The following CHST8 variants were observed in gnomAD, a reference collection of about 807,000 sequenced individuals.
CHST8 encodes the protein GALNAC-4-ST1.
Under a neutral mutation model 15.0 loss-of-function variants are expected in CHST8, and 10 were observed. The observed-to-expected ratio is 0.67, with a 90% CI of 0.41 to 1.13. CHST8 has a LOEUF of 1.13. Ranked by LOEUF, CHST8 falls within the 50% of genes most tolerant of loss-of-function variation. CHST8 has a pLI of 0.00. For synonymous variants in CHST8, 259 were observed against 256.6 expected, an observed-to-expected ratio of 1.01 and a Z score of -0.09; for missense variants, 634 against 608.2, an observed-to-expected ratio of 1.04 and a Z score of -0.45.
intron 1 of CHST8, among the ~76,000 whole-genome samples, chr19:33,640,078 G>A (rs1283808608): frequency 1.3e-5 from 2 of 152,020 alleles, no homozygotes; most frequent in Non-Finnish European, 2.9e-5. Flanking sequence ...TCCTGACCTC[G>A]TGATCCGCCC....
chr19:33,687,621 G>A (rs1452923921), intron 2 of CHST8, among the ~76,000 whole-genome samples: 1 of 152,152 alleles, frequency 6.6e-6, no homozygotes, highest in Non-Finnish European at 1.5e-5. Context: ...GCCTGGGGCG[G>A]GTTAATTAAA....
chr19:33,675,163 A>G (rs776311805), intron 2 of CHST8, among the ~76,000 whole-genome samples: 3 of 151,916 alleles, frequency 2.0e-5, no homozygotes, highest in Non-Finnish European at 4.4e-5. Context: ...GGAGGAGCTG[A>G]CCCCAGGGCA....
intron 3 of CHST8, among the ~76,000 whole-genome samples, chr19:33,738,001 A>T (rs981508998): frequency 6.6e-6 from 1 of 152,188 alleles, no homozygotes; most frequent in African/African-American, 2.4e-5. Flanking sequence ...GAGAAAATAG[A>T]TGTGTGCTTT....
At chr19:33,721,895 AGATG>A (rs201133440) in intron 3 of CHST8, among the ~76,000 whole-genome samples, 3 of 131,408 alleles carry the variant, frequency 2.3e-5, no homozygotes, top group South Asian at 2.6e-4. Context: ...GTGAGTGGGT[AGATG>A]GATGGATGGA....
At chr19:33,756,978 G>A (rs1403908710) in intron 3 of CHST8, among the ~76,000 whole-genome samples, 1 of 152,192 alleles carries the variant, frequency 6.6e-6, no homozygotes, top group East Asian at 1.9e-4. Context: ...TGGCTGTGAG[G>A]GGGCAGTGGA....
chr19:33,658,347 C>T (rs1176705398), intron 1 of CHST8, among the ~76,000 whole-genome samples: 1 of 152,104 alleles, frequency 6.6e-6, no homozygotes, highest in Non-Finnish European at 1.5e-5. Flanking sequence ...CCCAAAAAAA[C>T]CCATATTTAC....
At chr19:33,754,391 C>T (rs936733844) in intron 3 of CHST8, among the ~76,000 whole-genome samples, 1 of 151,950 alleles carries the variant, frequency 6.6e-6, no homozygotes, top group Non-Finnish European at 1.5e-5. Context: ...CGGGGCTCTT[C>T]CGAGAACACA....
intron 3 of CHST8, among the ~76,000 whole-genome samples, chr19:33,746,291 A>G (rs1203181911): frequency 2.6e-5 from 4 of 152,206 alleles, no homozygotes; most frequent in East Asian, 1.9e-4. Flanking sequence ...CATCACCCCA[A>G]TTGGAGACGT....
At chr19:33,684,971 G>C (rs1476362692) in intron 2 of CHST8, 1 of 152,290 alleles carries the variant, frequency 6.6e-6, no homozygotes, top group Non-Finnish European at 1.5e-5. Flanking sequence ...TCTCCTGCCC[G>C]TGTGGTGCAA....
chr19:33,757,528 GAA>G (rs754266882), intron 3 of CHST8, among the ~76,000 whole-genome samples: 11 of 30,864 alleles, frequency 3.6e-4, no homozygotes, highest in Admixed American at 7.1e-4. Flanking sequence ...GAAAGAGAAA[GAA>G]AGAAAGAAAG....
intron 1 of CHST8, among the ~76,000 whole-genome samples, chr19:33,655,067 G>A (rs1185875559): frequency 6.6e-6 from 1 of 152,126 alleles, no homozygotes; most frequent in Non-Finnish European, 1.5e-5. Context: ...GACAGGGTCT[G>A]GCTCTGTTGC....
rs778642113 is a variant in CHST8, at chr19:33,772,886, G to T, written c.1098G>T (p.Arg366=). Residue 366 remains arginine, a synonymous_variant, in exon 5 of 5, where the codon CGG becomes CGT. Transcript: ENST00000650847. ...NFFLSLIRAP[R]NLTFPRFKDR... is the part of the protein sequence containing the mutation. ...TCCTGAGCCTCATCCGCGCGCCGCG[G>T]AACCTGACCTTCCCCCGGTTCAAGG... 8 of 1,613,484 alleles carry T rather than the reference G, an allele frequency of 5.0e-6. No homozygotes were observed. Among genetic ancestry groups the T allele is most frequent in the Non-Finnish European group, 5.9e-6 (7 of 1,180,044 alleles).
At chr19:33,654,425 G>C (rs544389434) in intron 1 of CHST8, among the ~76,000 whole-genome samples, 1 of 152,090 alleles carries the variant, frequency 6.6e-6, no homozygotes, top group South Asian at 2.1e-4. Flanking sequence ...ATATTCTAGG[G>C]AAGCAAAAAT....
intron 3 of CHST8, among the ~76,000 whole-genome samples, chr19:33,764,145 G>C (rs1234225898): frequency 6.6e-6 from 1 of 152,172 alleles, no homozygotes; most frequent in Non-Finnish European, 1.5e-5. Context: ...CATGTCCAAG[G>C]CCAGCTCTCA....
chr19:33,631,797 T>C (rs1456736509), intron 1 of CHST8, among the ~76,000 whole-genome samples: 1 of 152,044 alleles, frequency 6.6e-6, no homozygotes, highest in East Asian at 1.9e-4. Flanking sequence ...CACCTCTAGG[T>C]TGCGGCTGAA....
chr19:33,725,723 G>T (rs915596776), intron 3 of CHST8, among the ~76,000 whole-genome samples: 2 of 152,244 alleles, frequency 1.3e-5, no homozygotes, highest in African/African-American at 4.8e-5. Context: ...GGGGCTGCCA[G>T]GGTGAGCCAA....
rs1453385795 is a variant in CHST8, at chr19:33,709,815, ATC to A, written c.130+20426_130+20427del. 2.0e-5 allele frequency among the ~76,000 whole-genome samples: 3 copies of A among 152,188 alleles called. No homozygotes were observed. The East Asian group carries it at 5.8e-4, about 29-fold the overall frequency. ...TTTATTAGAATTTATCAGTGAAGAT[ATC>A]TGAGACTAGACTTTTCTTTGTGAGA... On this transcript the variant is annotated intron_variant, in intron 3 of 4. Coordinates refer to ENST00000650847, the MANE Select transcript of CHST8 (RefSeq NM_001127895.2).
At chr19:33,724,614 T>C (rs1481083763) in intron 3 of CHST8, among the ~76,000 whole-genome samples, 3 of 152,198 alleles carry the variant, frequency 2.0e-5, no homozygotes, top group African/African-American at 7.2e-5. Flanking sequence ...TGGGGCTGCA[T>C]CTGCCTCGGA....
chr19:33,698,992 C>T (rs1002261065), intron 3 of CHST8, among the ~76,000 whole-genome samples: 4 of 152,192 alleles, frequency 2.6e-5, no homozygotes, highest in Non-Finnish European at 4.4e-5. Flanking sequence ...TCTGGACTTA[C>T]ATCTACTCCA....
Sources: gnomAD v4.1 joint callset for allele counts (sites outside exome capture counted in the v4.1 genomes callset) on GRCh38, gnomAD v4.1.1 for gene constraint, MANE v1.5 for transcripts, NCBI Gene and HGNC (gene_info 2026-07-23, HGNC 2026-07-21) for gene names.